The following FMNL2 variants were observed in gnomAD, a reference collection of about 807,000 sequenced individuals.
FMNL2 encodes formin-like protein 2.
A neutral mutation model predicts 130.2 loss-of-function variants in FMNL2; 51 were observed. The ratio of observed to expected loss-of-function variants is 0.39; its 90% CI spans 0.31 to 0.49. FMNL2 has a LOEUF of 0.49. Ranked by LOEUF, FMNL2 falls within the 20% of genes least tolerant of loss-of-function variation. The pLI is 0.85. For missense variants in FMNL2, 977 were observed against 1,316.2 expected (o/e 0.74, Z 3.99); for synonymous variants, 465 against 467.1 (o/e 1.00, Z 0.06).
intron 1 of FMNL2, among the ~76,000 whole-genome samples, chr2:152,385,790 T>C (rs1194192201): frequency 2.0e-5 from 3 of 152,254 alleles, no homozygotes; most frequent in Non-Finnish European, 4.4e-5. Context: ...AAATGACTTA[T>C]GAGAACTATC....
rs368413291 is a variant in FMNL2 at position 152,497,872 on chromosome 2, G to A, written c.118-24071G>A. Among the ~76,000 whole-genome samples the A allele has an allele frequency of 3.3e-5, 5 of 152,190 alleles. No homozygotes were observed. In the South Asian group the frequency reaches 1.0e-3, roughly 32 times the overall value. On this transcript the variant is annotated intron_variant, in intron 1 of 25. Transcript: ENST00000288670. ...GGGTTTCGATATCATCTGAGGCTTGGGAGTCCTTTTCCAAGCTAACTGGTT... is the reference window on the plus strand; with the variant it reads ...GGGTTTCGATATCATCTGAGGCTTGAGAGTCCTTTTCCAAGCTAACTGGTT...
chr2:152,582,735 G>A (rs1696862749), intron 9 of FMNL2, among the ~76,000 whole-genome samples: 1 of 152,136 alleles, frequency 6.6e-6, no homozygotes, highest in Non-Finnish European at 1.5e-5. Flanking sequence ...ATATGAAAGA[G>A]AAACAGTATG....
intron 1 of FMNL2, among the ~76,000 whole-genome samples, chr2:152,480,633 TAAAAAAAAAAAAA>T (rs58943356): frequency 5.4e-5 from 2 of 37,372 alleles, no homozygotes; most frequent in African/African-American, 7.6e-5. Context: ...AGACTCTGTC[TAAAAAAAAAAAAA>T]AAAAAAAAAA....
chr2:152,524,858 C>G (rs1693297726), intron 2 of FMNL2, among the ~76,000 whole-genome samples: 1 of 152,082 alleles, frequency 6.6e-6, no homozygotes, highest in African/African-American at 2.4e-5. Context: ...TGAATTTAGA[C>G]TTTTAGATCA....
At chr2:152,356,521 T>C (rs962893494) in intron 1 of FMNL2, among the ~76,000 whole-genome samples, 2 of 152,204 alleles carry the variant, frequency 1.3e-5, no homozygotes, top group African/African-American at 2.4e-5. Flanking sequence ...GATTTGCAAA[T>C]TTGCCTATTT....
chr2:152,492,349 G>GT (rs1691261414), intron 1 of FMNL2, among the ~76,000 whole-genome samples: 1 of 152,174 alleles, frequency 6.6e-6, no homozygotes, highest in Non-Finnish European at 1.5e-5. Flanking sequence ...GAAGATTTTT[G>GT]TAAGATCGTT....
chr2:152,480,240 C>T (rs1222010865), intron 1 of FMNL2, among the ~76,000 whole-genome samples: 2 of 152,132 alleles, frequency 1.3e-5, no homozygotes, highest in Non-Finnish European at 2.9e-5. Flanking sequence ...AATTTGACCA[C>T]TACAACTCAC....
At chr2:152,574,801 AAGAT>A (rs750818246) in intron 6 of FMNL2, among the ~76,000 whole-genome samples, 23 of 152,362 alleles carry the variant, frequency 1.5e-4, no homozygotes, top group Non-Finnish European at 2.5e-4. Context: ...TAAAATAAGA[AAGAT>A]AGAGGAAGGG....
At chr2:152,608,360 G>GAAAAAA (rs869134530) in intron 10 of FMNL2, among the ~76,000 whole-genome samples, 1 of 16,546 alleles carries the variant, frequency 6.0e-5, no homozygotes, top group African/African-American at 1.7e-4. Context: ...CCCTTTTTGT[G>GAAAAAA]AAAAAAAAAA....
chr2:152,559,752 C>T lies in FMNL2; in HGVS notation c.443+929C>T, dbSNP rs79364902. 8.8e-3 allele frequency among the ~76,000 whole-genome samples: 1,333 copies of T among 152,244 alleles called. 21 individuals carry two copies. Among genetic ancestry groups the T allele is most frequent in the African/African-American group, 0.03 (1,253 of 41,540 alleles). ...ACGAGTGATTTCAGGATGCCCTCCTCGTCTTACCTTCTCTCATCTCAGTGA... is the reference window on the plus strand; with the variant it reads ...ACGAGTGATTTCAGGATGCCCTCCTTGTCTTACCTTCTCTCATCTCAGTGA... On this transcript the variant is annotated intron_variant, in intron 5 of 25. Transcript: ENST00000288670.
chr2:152,558,824 G>A lies in FMNL2; in HGVS notation c.443+1G>A. ...TCTCATTTGCACAGTACGCGGTAAC[G>A]TAAGTAAAACTTGGCTTGCTTGCAT... On this transcript the variant is annotated splice_donor_variant, in intron 5 of 25. Transcript: ENST00000288670. LOFTEE classifies it high-confidence loss of function. 2.5e-6 allele frequency: 4 copies of A among 1,612,130 alleles called. No homozygotes were observed. Among genetic ancestry groups the A allele is most frequent in the Admixed American group, 1.7e-5 (1 of 59,830 alleles).
intron 23 of FMNL2, 108 bp from the exon 24 acceptor site, chr2:152,639,850 T>G: frequency 4.3e-6 from 4 of 920,160 alleles, no homozygotes; most frequent in Non-Finnish European, 6.5e-6. Flanking sequence ...AACCTTCCAT[T>G]TATTGTAATT....
At chr2:152,371,375 C>A in intron 1 of FMNL2, among the ~76,000 whole-genome samples, 1 of 150,936 alleles carries the variant, frequency 6.6e-6, no homozygotes, top group East Asian at 2.0e-4. Context: ...AAACTCATGT[C>A]GAAATGTAAT....
intron 1 of FMNL2, among the ~76,000 whole-genome samples, chr2:152,447,886 TACCA>T (rs1256749946): frequency 6.6e-6 from 1 of 152,214 alleles, no homozygotes; most frequent in African/African-American, 2.4e-5. Context: ...GCCTGTGTAT[TACCA>T]TATGATATGA....
rs551218743 is a variant in FMNL2 at position 152,432,312 on chromosome 2, T to C, written c.118-89631T>C. On this transcript the variant is annotated intron_variant, in intron 1 of 25. Transcript: ENST00000288670. ...GGATTGAGCATGTGAAAGCTTGACA[T>C]CATGATTCAATCATTCTCTGATTTT... Among the ~76,000 whole-genome samples the C allele has an allele frequency of 4.6e-5, 7 of 152,250 alleles. No individual in the cohort carries two copies. In the South Asian group the frequency reaches 1.2e-3, roughly 27 times the overall value.
chr2:152,383,824 A>C (rs1301388977), intron 1 of FMNL2, among the ~76,000 whole-genome samples: 1 of 152,186 alleles, frequency 6.6e-6, no homozygotes, highest in East Asian at 1.9e-4. Flanking sequence ...AGAAATGAGG[A>C]GAAGTCATCA....
At chr2:152,453,489 T>G (rs965786120) in intron 1 of FMNL2, among the ~76,000 whole-genome samples, 1 of 152,160 alleles carries the variant, frequency 6.6e-6, no homozygotes, top group Admixed American at 6.5e-5. Flanking sequence ...AGTTTGTGGA[T>G]TGCCAGGACG....
chr2:152,526,403 C>G (rs1693387158), intron 2 of FMNL2, among the ~76,000 whole-genome samples: 1 of 152,138 alleles, frequency 6.6e-6, no homozygotes. Flanking sequence ...CTCCTTTTTG[C>G]TCCTAGACTT....
At chr2:152,607,054 T>C (rs17400191) in intron 9 of FMNL2, among the ~76,000 whole-genome samples, 29,942 of 146,076 alleles carry the variant, frequency 0.2, 3,423 homozygotes, top group Non-Finnish European at 0.26. Flanking sequence ...ATTCCAAATG[T>C]ATGCTAAAAA....
Sources: allele counts gnomAD v4.1 joint callset (sites outside exome capture counted in the v4.1 genomes callset), GRCh38; gene constraint gnomAD v4.1.1; transcripts MANE v1.5; gene names NCBI Gene and HGNC (gene_info 2026-07-23, HGNC 2026-07-21).